GLIS1: variants seen among roughly 807,000 people sequenced by gnomAD.
GLIS1 encodes zinc finger protein GLIS1.
A neutral mutation model predicts 63.8 loss-of-function variants in GLIS1; 24 were observed. That is an observed-to-expected ratio of 0.38 (90% CI 0.27 to 0.53). The LOEUF is 0.53. Ranked by LOEUF, GLIS1 falls within the 20% of genes least tolerant of loss-of-function variation. The pLI, the probability that GLIS1 is intolerant of heterozygous loss-of-function variation, is 0.85. For missense variants in GLIS1, 1,036 were observed against 1,074.1 expected (o/e 0.96, Z 0.50); for synonymous variants, 450 against 482.5 (o/e 0.93, Z 0.88).
Position 53,737,846 on chromosome 1 carries a change from G to C in GLIS1, c.219C>G (p.Pro73=), listed in dbSNP as rs1214141159. ...RAHDLLRPRS[P]RDYGPSKAAA... ...CGGCCTTGGATGGACCGTAGTCTCG[G>C]GGACTGCGGGGCCGGAGGAGGTCGT... Residue 73 remains proline (P), a synonymous_variant, in exon 2 of 11, where the codon CCC becomes CCG. Coordinates refer to ENST00000628545, the MANE Select transcript of GLIS1 (RefSeq NM_001367484.1). 1 of 1,231,028 alleles carries C rather than the reference G, an allele frequency of 8.1e-7. No individual in the cohort carries two copies. The highest frequency in any genetic ancestry group is 1.0e-6 in the Non-Finnish European group (1 of 987,546). 76.3% of individuals were successfully genotyped at this position (1,231,028 alleles called of 1,614,324 possible).
chr1:53,633,754 C>G (rs1557493143), intron 2 of GLIS1, among the ~76,000 whole-genome samples: 1 of 151,992 alleles, frequency 6.6e-6, no homozygotes, highest in African/African-American at 2.4e-5. Context: ...TTAGTAACAT[C>G]CACATGCATG....
intron 2 of GLIS1, among the ~76,000 whole-genome samples, chr1:53,618,398 T>C (rs552847468): frequency 1.3e-5 from 2 of 152,170 alleles, no homozygotes; most frequent in Non-Finnish European, 2.9e-5. Flanking sequence ...CTAGGGTGGG[T>C]CACCAGGCCA....
At chr1:53,643,532 G>A (rs1645810193) in intron 2 of GLIS1, among the ~76,000 whole-genome samples, 1 of 152,172 alleles carries the variant, frequency 6.6e-6, no homozygotes, top group African/African-American at 2.4e-5. Flanking sequence ...CCTGTACAAT[G>A]ACCATGGGGA....
chr1:53,630,728 C>G (rs1246580795), intron 2 of GLIS1, among the ~76,000 whole-genome samples: 1 of 152,176 alleles, frequency 6.6e-6, no homozygotes, highest in African/African-American at 2.4e-5. Context: ...AACTCCAGAC[C>G]TCAGGCAATC....
chr1:53,546,292 C>T (rs141318927), intron 4 of GLIS1, among the ~76,000 whole-genome samples: 1 of 152,316 alleles, frequency 6.6e-6, no homozygotes, highest in Non-Finnish European at 1.5e-5. Context: ...GCAGGGAGGG[C>T]GAGGATGACA....
At chr1:53,612,126 C>T (rs1423242555) in intron 2 of GLIS1, among the ~76,000 whole-genome samples, 1 of 152,244 alleles carries the variant, frequency 6.6e-6, no homozygotes, top group African/African-American at 2.4e-5. Context: ...ACCATCACAC[C>T]TAGCCCACTT....
At chr1:53,624,423 A>G (rs1645574447) in intron 2 of GLIS1, among the ~76,000 whole-genome samples, 1 of 152,216 alleles carries the variant, frequency 6.6e-6, no homozygotes, top group Non-Finnish European at 1.5e-5. Flanking sequence ...TAGAACTAAA[A>G]CCATAAAACT....
At chr1:53,730,255 T>C (rs149389854) in intron 2 of GLIS1, among the ~76,000 whole-genome samples, 138 of 152,218 alleles carry the variant, frequency 9.1e-4, no homozygotes, top group Admixed American at 2.4e-3. Flanking sequence ...AAAATTAAGC[T>C]CCAACTGACA....
At chr1:53,509,346 G>A (rs766586909) in intron 9 of GLIS1, 59 bp from the exon 10 acceptor site, 6 of 1,461,928 alleles carry the variant, frequency 4.1e-6, no homozygotes, top group Non-Finnish European at 5.6e-6. Context: ...GGGCAGGGAG[G>A]GGAACATCCT....
chr1:53,626,844 C>T (rs1021143414), intron 2 of GLIS1, among the ~76,000 whole-genome samples: 3 of 152,248 alleles, frequency 2.0e-5, no homozygotes, highest in Non-Finnish European at 2.9e-5. Context: ...CTGACATGCC[C>T]CTGCATCCTG....
intron 2 of GLIS1, among the ~76,000 whole-genome samples, chr1:53,717,309 T>C (rs1193329752): frequency 1.3e-5 from 2 of 152,206 alleles, no homozygotes; most frequent in East Asian, 1.9e-4. Context: ...GCCTGGCACA[T>C]GGTAAACATT....
chr1:53,564,029 A>T (rs1237469921), intron 4 of GLIS1, among the ~76,000 whole-genome samples: 1 of 152,236 alleles, frequency 6.6e-6, no homozygotes, highest in Non-Finnish European at 1.5e-5. Context: ...AAGAAGGAAG[A>T]TGATCCCAGA....
chr1:53,518,535 T>C (rs958547903), intron 7 of GLIS1, among the ~76,000 whole-genome samples: 6 of 152,218 alleles, frequency 3.9e-5, no homozygotes, highest in African/African-American at 1.4e-4. Context: ...ATAGGGTTTA[T>C]GTAAGTGACC....
chr1:53,547,071 G>A (rs1015561767), intron 4 of GLIS1, among the ~76,000 whole-genome samples: 2 of 152,372 alleles, frequency 1.3e-5, no homozygotes, highest in Non-Finnish European at 2.9e-5. Context: ...CGCTGTGCTC[G>A]ATCAGGGTTA....
intron 2 of GLIS1, among the ~76,000 whole-genome samples, chr1:53,667,727 C>G (rs1646109198): frequency 6.6e-6 from 1 of 152,236 alleles, no homozygotes; most frequent in Admixed American, 6.5e-5. Context: ...TGAGGGCCTT[C>G]TTGCAGCGGA....
chr1:53,631,177 G>A (rs907602301), intron 2 of GLIS1, among the ~76,000 whole-genome samples: 1 of 152,100 alleles, frequency 6.6e-6, no homozygotes, highest in Non-Finnish European at 1.5e-5. Context: ...TTACTTTTGT[G>A]ATTTATGTAA....
At chr1:53,649,316 A>T (rs1171342182) in intron 2 of GLIS1, among the ~76,000 whole-genome samples, 1 of 152,234 alleles carries the variant, frequency 6.6e-6, no homozygotes, top group African/African-American at 2.4e-5. Context: ...TAGCTGCAGA[A>T]AATTAACTAT....
intron 3 of GLIS1, 122 bp from the exon 4 acceptor site, chr1:53,595,112 G>A: frequency 1.3e-6 from 1 of 798,048 alleles, no homozygotes; most frequent in Non-Finnish European, 1.8e-6. Context: ...AGGAGGCAGA[G>A]GCTGAGGGCT....
intron 2 of GLIS1, among the ~76,000 whole-genome samples, chr1:53,628,850 A>G (rs1476866206): frequency 6.6e-6 from 1 of 152,156 alleles, no homozygotes; most frequent in Non-Finnish European, 1.5e-5. Context: ...AGGGGTGGCC[A>G]TCGGGGAAGG....
Sources: allele counts gnomAD v4.1 joint callset (sites outside exome capture counted in the v4.1 genomes callset), GRCh38; gene constraint gnomAD v4.1.1; transcripts MANE v1.5; gene names NCBI Gene and HGNC (gene_info 2026-07-23, HGNC 2026-07-21).